The following PBX1 variants were observed in gnomAD, a reference collection of about 807,000 sequenced individuals.
The protein encoded by PBX1 is PBX homeobox 1, also known as pre-B-cell leukemia transcription factor 1.
Under a neutral mutation model 53.4 loss-of-function variants are expected in PBX1, and 6 were observed. The ratio of observed to expected loss-of-function variants is 0.11; its 90% CI spans 0.06 to 0.22. The LOEUF is 0.22. Ranked by LOEUF, PBX1 falls within the 10% of genes least tolerant of loss-of-function variation. The probability of loss-of-function intolerance (pLI) is 1.00; values close to 1 mark genes in which losing one functional copy is unlikely to be tolerated. For missense variants in PBX1, 251 were observed against 551.4 expected (o/e 0.46, Z 5.46); for synonymous variants, 204 against 212.3 (o/e 0.96, Z 0.34).
intron 2 of PBX1, among the ~76,000 whole-genome samples, chr1:164,724,980 G>A (rs543285565): frequency 1.0e-3 from 155 of 152,128 alleles, no homozygotes; most frequent in African/African-American, 3.6e-3. Flanking sequence ...ATACAGGTGG[G>A]TCCTTTTTCG....
rs1665343885 is a variant in PBX1, at chr1:164,737,239, T to G, written c.266-55255T>G. On this transcript the variant is annotated intron_variant, in intron 2 of 8. Transcript: ENST00000420696. ...GAATGGTCATTTATTTTCAGTTAGA[T>G]TGGCACACATCACGTTAGTAGTGTC... Among the ~76,000 whole-genome samples, 8 of 152,292 alleles carry G rather than the reference T, an allele frequency of 5.3e-5. No individual in the cohort carries two copies. In the South Asian group the frequency reaches 1.7e-3, roughly 32 times the overall value.
At chr1:164,710,840 A>G (rs1295372583) in intron 2 of PBX1, among the ~76,000 whole-genome samples, 1 of 152,240 alleles carries the variant, frequency 6.6e-6, no homozygotes, top group African/African-American at 2.4e-5. Context: ...AAATATTGTG[A>G]AACATGAATA....
chr1:164,784,852 C>G (rs1425454559), intron 2 of PBX1, among the ~76,000 whole-genome samples: 1 of 152,090 alleles, frequency 6.6e-6, no homozygotes, highest in African/African-American at 2.4e-5. Context: ...TTTACTAAAT[C>G]CTTCAAATCC....
chr1:164,715,407 G>A (rs1664028440), intron 2 of PBX1, among the ~76,000 whole-genome samples: 1 of 152,150 alleles, frequency 6.6e-6, no homozygotes, highest in Non-Finnish European at 1.5e-5. Context: ...ACCTGCGAAG[G>A]CCTAGTGATC....
chr1:164,695,096 TA>T (rs1426094526), intron 2 of PBX1, among the ~76,000 whole-genome samples: 3 of 152,270 alleles, frequency 2.0e-5, no homozygotes, highest in Non-Finnish European at 4.4e-5. Context: ...ATGTCACAAG[TA>T]ATTTTGATAT....
chr1:164,846,011 C>T (rs921618261), intron 8 of PBX1, among the ~76,000 whole-genome samples: 5 of 151,996 alleles, frequency 3.3e-5, no homozygotes, highest in Admixed American at 6.6e-5. Flanking sequence ...TAAGTTCATT[C>T]GTGGGCTTAT....
chr1:164,729,712 A>G (rs1664883206), intron 2 of PBX1, among the ~76,000 whole-genome samples: 1 of 152,176 alleles, frequency 6.6e-6, no homozygotes, highest in African/African-American at 2.4e-5. Context: ...CACAGCTTAT[A>G]AGTGGCATAT....
chr1:164,819,816 G>T, intron 6 of PBX1: 1 of 365,618 alleles, frequency 2.7e-6, no homozygotes, highest in Non-Finnish European at 4.9e-6. Context: ...CCCTTTCTTG[G>T]CTTGAAGTTG....
At chr1:164,677,384 G>A (rs1289919698) in intron 2 of PBX1, among the ~76,000 whole-genome samples, 4 of 151,894 alleles carry the variant, frequency 2.6e-5, no homozygotes, top group Non-Finnish European at 5.9e-5. Flanking sequence ...GAGCCACCGC[G>A]CCCGGCCTTA....
At chr1:164,679,824 A>C (rs116523194) in intron 2 of PBX1, among the ~76,000 whole-genome samples, 1 of 152,204 alleles carries the variant, frequency 6.6e-6, no homozygotes, top group Non-Finnish European at 1.5e-5. Flanking sequence ...TGAAATAGGT[A>C]CTTAGGACAA....
At chr1:164,634,970 G>T (rs1479392247) in intron 2 of PBX1, among the ~76,000 whole-genome samples, 1 of 151,944 alleles carries the variant, frequency 6.6e-6, no homozygotes. Flanking sequence ...TGCCTGTAGA[G>T]ATGGCAATTG....
At chr1:164,859,269 G>A (rs10159300) in intron 2 of PBX1, among the ~76,000 whole-genome samples, 9,193 of 152,044 alleles carry the variant, frequency 0.06, 293 homozygotes, top group East Asian at 0.1. Context: ...CATTCTCCAG[G>A]TACATCTATG....
At chr1:164,691,211 C>T (rs754083787) in intron 2 of PBX1, among the ~76,000 whole-genome samples, 39 of 151,938 alleles carry the variant, frequency 2.6e-4, no homozygotes, top group Non-Finnish European at 5.2e-4. Context: ...GATGGGGTTT[C>T]GCCATGTTGG....
intron 2 of PBX1, among the ~76,000 whole-genome samples, chr1:164,594,599 A>G (rs576912993): frequency 6.6e-6 from 1 of 152,336 alleles, no homozygotes; most frequent in South Asian, 2.1e-4. Flanking sequence ...GTTACTTTAA[A>G]TTTAAGTAGA....
At chr1:164,744,938 A>C (rs551267959) in intron 2 of PBX1, among the ~76,000 whole-genome samples, 7 of 152,274 alleles carry the variant, frequency 4.6e-5, no homozygotes, top group Non-Finnish European at 1.0e-4. Context: ...ATTGCCCGTC[A>C]CCTGCCAGAC....
At chr1:164,624,960 G>T (rs1459390021) in intron 2 of PBX1, among the ~76,000 whole-genome samples, 1 of 152,160 alleles carries the variant, frequency 6.6e-6, no homozygotes, top group East Asian at 1.9e-4. Context: ...TTCTTAAAGT[G>T]TTATCTATCC....
At chr1:164,827,014 A>G (rs191761778) in intron 8 of PBX1, among the ~76,000 whole-genome samples, 52 of 152,322 alleles carry the variant, frequency 3.4e-4, no homozygotes, top group African/African-American at 1.2e-3. Flanking sequence ...AGGGGGAAAA[A>G]GGAACATTTA....
chr1:164,603,810 A>T (rs776359298), intron 2 of PBX1, among the ~76,000 whole-genome samples: 2 of 151,940 alleles, frequency 1.3e-5, no homozygotes, highest in Non-Finnish European at 2.9e-5. Flanking sequence ...CTGATGTTTT[A>T]TACTTTTCAG....
intron 3 of PBX1, among the ~76,000 whole-genome samples, chr1:164,795,258 C>G (rs1039718343): frequency 2.6e-5 from 4 of 152,038 alleles, no homozygotes; most frequent in African/African-American, 9.7e-5. Context: ...TTACCCTTAC[C>G]CCAAGGGCTC....
Sources: allele counts gnomAD v4.1 joint callset (sites outside exome capture counted in the v4.1 genomes callset), GRCh38; gene constraint gnomAD v4.1.1; transcripts MANE v1.5; gene names NCBI Gene and HGNC (gene_info 2026-07-23, HGNC 2026-07-21).